Variants in ZBTB20 observed in about 807,000 individuals in gnomAD.
ZBTB20 encodes zinc finger and BTB domain-containing protein 20.
Under a neutral mutation model 56.9 loss-of-function variants are expected in ZBTB20, and 9 were observed. The ratio of observed to expected loss-of-function variants is 0.16; its 90% CI spans 0.10 to 0.28. The LOEUF (loss-of-function observed/expected upper bound fraction) is 0.28. ZBTB20 is among the 10% of genes least tolerant of loss of function. The pLI, the probability that ZBTB20 is intolerant of heterozygous loss-of-function variation, is 1.00. For synonymous variants in ZBTB20, 417 were observed against 420.7 expected, an observed-to-expected ratio of 0.99 and a Z score of 0.11; for missense variants, 655 against 1,003.0, an observed-to-expected ratio of 0.65 and a Z score of 4.69.
At chr3:114,501,424 G>C (rs1254007297) in intron 6 of ZBTB20, among the ~76,000 whole-genome samples, 1 of 151,914 alleles carries the variant, frequency 6.6e-6, no homozygotes, top group African/African-American at 2.4e-5. Flanking sequence ...TCAGGAGTTC[G>C]AGACCAGCCT....
At chr3:114,752,798 G>T (rs573371595) in intron 5 of ZBTB20, among the ~76,000 whole-genome samples, 1 of 152,160 alleles carries the variant, frequency 6.6e-6, no homozygotes, top group Admixed American at 6.5e-5. Flanking sequence ...ACATACTATT[G>T]TTAATTATCA....
At chr3:114,350,157 G>T (rs2080537738) in intron 11 of ZBTB20, 117 bp downstream of exon 11, 3 of 1,414,232 alleles carry the variant, frequency 2.1e-6, no homozygotes, top group Non-Finnish European at 2.9e-6. Context: ...TTGTGGTGGG[G>T]TCTGTTTAAA....
At chr3:114,819,824 A>G (rs1343538649) in intron 4 of ZBTB20, among the ~76,000 whole-genome samples, 1 of 151,972 alleles carries the variant, frequency 6.6e-6, no homozygotes, top group South Asian at 2.1e-4. Flanking sequence ...TTTCTCACAT[A>G]AAATCTTACA....
At chr3:114,477,080 T>C (rs1481697792) in intron 7 of ZBTB20, among the ~76,000 whole-genome samples, 6 of 152,214 alleles carry the variant, frequency 3.9e-5, no homozygotes, top group Non-Finnish European at 8.8e-5. Context: ...AAATGTCACC[T>C]TTGAAAAAGC....
chr3:114,518,026 T>C (rs1245749644), intron 6 of ZBTB20, among the ~76,000 whole-genome samples: 2 of 152,198 alleles, frequency 1.3e-5, no homozygotes, highest in African/African-American at 4.8e-5. Context: ...CCGTTCTTTA[T>C]CATATATCCT....
chr3:114,406,700 G>A (rs2087362095), intron 7 of ZBTB20, among the ~76,000 whole-genome samples: 1 of 152,046 alleles, frequency 6.6e-6, no homozygotes. Context: ...TAAGGTGTTT[G>A]TACTGAGTAG....
chr3:114,972,397 A>C (rs1484495682), intron 3 of ZBTB20, among the ~76,000 whole-genome samples: 1 of 152,210 alleles, frequency 6.6e-6, no homozygotes, highest in Non-Finnish European at 1.5e-5. Context: ...TACCATTGGT[A>C]CCTGCATAGT....
chr3:114,664,475 A>G (rs2060932634), intron 6 of ZBTB20, among the ~76,000 whole-genome samples: 1 of 152,122 alleles, frequency 6.6e-6, no homozygotes, highest in South Asian at 2.1e-4. Flanking sequence ...AGTCATTACA[A>G]TAAAACTAAC....
At chr3:114,729,913 C>T (rs1246772546) in intron 5 of ZBTB20, among the ~76,000 whole-genome samples, 1 of 151,656 alleles carries the variant, frequency 6.6e-6, no homozygotes, top group Non-Finnish European at 1.5e-5. Flanking sequence ...AAACAATCCT[C>T]CCATCTTAGC....
chr3:114,678,609 T>G (rs936027595), intron 6 of ZBTB20, among the ~76,000 whole-genome samples: 4 of 152,174 alleles, frequency 2.6e-5, no homozygotes, highest in African/African-American at 9.6e-5. Context: ...CTTTAAGTTG[T>G]ATTAAGCTGA....
intron 1 of ZBTB20, among the ~76,000 whole-genome samples, chr3:115,143,384 A>C (rs551922598): frequency 6.6e-6 from 1 of 152,266 alleles, no homozygotes; most frequent in Admixed American, 6.5e-5. Context: ...TCACAACTGA[A>C]ACTAGGCATG....
intron 5 of ZBTB20, among the ~76,000 whole-genome samples, chr3:114,724,813 A>G (rs2108509093): frequency 6.6e-6 from 1 of 152,336 alleles, no homozygotes; most frequent in South Asian, 2.1e-4. Flanking sequence ...TTTCTGGAAG[A>G]TTTGATTTGC....
chr3:114,970,499 T>C (rs563170995), intron 3 of ZBTB20, among the ~76,000 whole-genome samples: 1 of 152,348 alleles, frequency 6.6e-6, no homozygotes, highest in Admixed American at 6.5e-5. Flanking sequence ...TAATACTTTC[T>C]GCTTGCTTCA....
chr3:115,068,421 A>G (rs2108502527), intron 2 of ZBTB20, among the ~76,000 whole-genome samples: 1 of 152,218 alleles, frequency 6.6e-6, no homozygotes, highest in East Asian at 1.9e-4. Flanking sequence ...CAGAATAAAG[A>G]AAATATATGA....
At chr3:114,810,456 C>T (rs573743122) in intron 4 of ZBTB20, among the ~76,000 whole-genome samples, 1 of 152,148 alleles carries the variant, frequency 6.6e-6, no homozygotes, top group African/African-American at 2.4e-5. Context: ...ATCAAATTAT[C>T]GAATCACCCC....
At chr3:114,865,439 C>T (rs2075726746) in intron 4 of ZBTB20, among the ~76,000 whole-genome samples, 1 of 152,108 alleles carries the variant, frequency 6.6e-6, no homozygotes, top group Admixed American at 6.6e-5. Flanking sequence ...GCAGATCTTA[C>T]TTATATCACT....
intron 6 of ZBTB20, among the ~76,000 whole-genome samples, chr3:114,606,149 A>G (rs2057131368): frequency 6.6e-6 from 1 of 152,212 alleles, no homozygotes; most frequent in Admixed American, 6.5e-5. Flanking sequence ...GAGCAGCACT[A>G]TTCCAAATAC....
chr3:114,566,316 A>AC (rs2052746247), intron 6 of ZBTB20, among the ~76,000 whole-genome samples: 1 of 152,148 alleles, frequency 6.6e-6, no homozygotes, highest in South Asian at 2.1e-4. Context: ...CAGTGCGGTA[A>AC]CCCCTGGGTC....
At chr3:115,002,707 G>T (rs1371833317) in intron 2 of ZBTB20, among the ~76,000 whole-genome samples, 1 of 151,556 alleles carries the variant, frequency 6.6e-6, no homozygotes, top group Non-Finnish European at 1.5e-5. Flanking sequence ...CAAGGATGTG[G>T]AGAAATACAA....
Sources: allele counts gnomAD v4.1 joint callset (sites outside exome capture counted in the v4.1 genomes callset), GRCh38; gene constraint gnomAD v4.1.1; transcripts MANE v1.5; gene names NCBI Gene and HGNC (gene_info 2026-07-23, HGNC 2026-07-21).